Variants in NCBP1 observed in about 807,000 individuals in gnomAD.
The protein encoded by NCBP1 is nuclear cap-binding protein subunit 1.
A neutral mutation model predicts 111.7 loss-of-function variants in NCBP1; 16 were observed. That is an observed-to-expected ratio of 0.14 (90% CI 0.10 to 0.22). The LOEUF (loss-of-function observed/expected upper bound fraction) is 0.22, where lower values mean the gene tolerates loss of function less well. Among genes scored for constraint, NCBP1 ranks in the 10% least tolerant of loss-of-function variants. NCBP1 has a pLI of 1.00. For missense variants in NCBP1, 607 were observed against 957.5 expected (o/e 0.63, Z 4.83); for synonymous variants, 304 against 314.3 (o/e 0.97, Z 0.35).
intron 3 of NCBP1, among the ~76,000 whole-genome samples, chr9:97,642,055 T>C (rs1827220820): frequency 6.6e-6 from 1 of 152,074 alleles, no homozygotes; most frequent in Admixed American, 6.6e-5. Flanking sequence ...GAAGATGCTT[T>C]GGAAGCCACT....
chr9:97,670,818 C>A (rs1587731566), intron 22 of NCBP1, among the ~76,000 whole-genome samples: 1 of 152,286 alleles, frequency 6.6e-6, no homozygotes, highest in African/African-American at 2.4e-5. Context: ...GGCACTGCTG[C>A]CACTGCCTTG....
At chr9:97,637,223 G>A (rs1827068662) in intron 1 of NCBP1, among the ~76,000 whole-genome samples, 2 of 152,294 alleles carry the variant, frequency 1.3e-5, no homozygotes, top group South Asian at 4.1e-4. Context: ...TACCAATGAA[G>A]TTCATGTAGT....
Position 97,668,830 on chromosome 9 carries a change from C to T in NCBP1, c.2017-16C>T. On this transcript the variant is annotated splice_polypyrimidine_tract_variant and intron_variant, in intron 20 of 22. Transcript: ENST00000375147. Reference sequence around the variant, plus strand: ...ATCTAAATGGTATTTTCCTTTTGTTCATTTGCCTTCTATAGCGAAGTGATG... The same window carrying T: ...ATCTAAATGGTATTTTCCTTTTGTTTATTTGCCTTCTATAGCGAAGTGATG... 1.5e-5 allele frequency: 24 copies of T among 1,605,820 alleles called. No homozygotes were observed. Among genetic ancestry groups the T allele is most frequent in the Non-Finnish European group, 2.0e-5 (24 of 1,177,274 alleles).
intron 3 of NCBP1, among the ~76,000 whole-genome samples, chr9:97,642,970 A>G (rs1343416013): frequency 6.6e-6 from 1 of 152,164 alleles, no homozygotes; most frequent in Non-Finnish European, 1.5e-5. Context: ...TAACTTTACA[A>G]TTAAATCATT....
chr9:97,656,099 G>GT lies in NCBP1; in HGVS notation c.1373+18dup, dbSNP rs1827645136. Reference sequence around the variant, plus strand: ...AAAATGTATGAGGTAAGTTTTTTGTGTTTTCTCCTTTTAACTTCTTTGGGA... The same window carrying GT: ...AAAATGTATGAGGTAAGTTTTTTGTGTTTTTCTCCTTTTAACTTCTTTGGGA... On this transcript the variant is annotated intron_variant, in intron 14 of 22. Coordinates refer to ENST00000375147, the MANE Select transcript of NCBP1 (RefSeq NM_002486.5). 1 of 1,601,650 alleles carries GT rather than the reference G, an allele frequency of 6.2e-7. No individual in the cohort carries two copies. Among genetic ancestry groups the GT allele is most frequent in the Non-Finnish European group, 8.6e-7 (1 of 1,168,986 alleles).
intron 10 of NCBP1, among the ~76,000 whole-genome samples, chr9:97,651,885 C>T (rs899614182): frequency 6.6e-6 from 1 of 152,098 alleles, no homozygotes; most frequent in Non-Finnish European, 1.5e-5. Flanking sequence ...AATAGAGTAG[C>T]AACACTTTTG....
intron 17 of NCBP1, among the ~76,000 whole-genome samples, 174 bp downstream of exon 17, chr9:97,662,318 G>A (rs1050402071): frequency 6.6e-6 from 1 of 152,180 alleles, no homozygotes; most frequent in East Asian, 1.9e-4. Flanking sequence ...GCTTCCGTCA[G>A]TCTGTTTGTA....
intron 3 of NCBP1, 151 bp from the exon 4 acceptor site, chr9:97,643,053 A>T (rs1381220079): frequency 2.9e-6 from 2 of 696,724 alleles, no homozygotes. Flanking sequence ...AACATTTCTC[A>T]ATGACATGCT....
intron 19 of NCBP1, among the ~76,000 whole-genome samples, chr9:97,666,146 A>G: frequency 6.6e-6 from 1 of 152,222 alleles, no homozygotes; most frequent in South Asian, 2.1e-4. Context: ...GTAGCTGAGA[A>G]GTTACTTTTT....
chr9:97,641,704 T>A (rs1336268048), intron 3 of NCBP1, 42 bp downstream of exon 3: 1 of 1,508,102 alleles, frequency 6.6e-7, no homozygotes, highest in Admixed American at 1.8e-5. Flanking sequence ...GATAATGTAT[T>A]ATCTACTCTT....
At chr9:97,662,298 A>G (rs573585969) in intron 17 of NCBP1, among the ~76,000 whole-genome samples, 154 bp downstream of exon 17, 53 of 152,346 alleles carry the variant, frequency 3.5e-4, no homozygotes, top group Non-Finnish European at 3.5e-4. Flanking sequence ...GCTGAAATCC[A>G]TATCCTAAGG....
intron 16 of NCBP1, among the ~76,000 whole-genome samples, chr9:97,661,648 G>C (rs1337844269): frequency 6.6e-6 from 1 of 151,092 alleles, no homozygotes; most frequent in Non-Finnish European, 1.5e-5. Flanking sequence ...TATGATATTA[G>C]AGAAAATGAG....
intron 4 of NCBP1, 129 bp downstream of exon 4, chr9:97,643,489 C>A: frequency 1.9e-6 from 2 of 1,030,278 alleles, no homozygotes; most frequent in Non-Finnish European, 1.3e-6. Context: ...CATAAGCCAC[C>A]TTTATTTTGA....
intron 14 of NCBP1, among the ~76,000 whole-genome samples, chr9:97,657,928 T>TATATATA (rs1827716061): frequency 1.6e-5 from 1 of 63,226 alleles, no homozygotes; most frequent in African/African-American, 5.5e-5. Context: ...ATATATATAT[T>TATATATA]TTTTTTTTTT....
chr9:97,661,708 A>G (rs1827838863), intron 16 of NCBP1, among the ~76,000 whole-genome samples: 1 of 151,216 alleles, frequency 6.6e-6, no homozygotes, highest in Non-Finnish European at 1.5e-5. Flanking sequence ...ATGTTGTCAG[A>G]CATCTTAAGA....
chr9:97,662,435 C>T (rs917008419), intron 17 of NCBP1, among the ~76,000 whole-genome samples: 6 of 152,124 alleles, frequency 3.9e-5, no homozygotes, highest in East Asian at 1.9e-4. Flanking sequence ...GAAGTTCCCA[C>T]GCTAAATATC....
chr9:97,648,615 T>C (rs1437631148), intron 8 of NCBP1, among the ~76,000 whole-genome samples: 1 of 152,240 alleles, frequency 6.6e-6, no homozygotes, highest in East Asian at 1.9e-4. Flanking sequence ...TAGTAGTATA[T>C]ATCTCATGTT....
intron 16 of NCBP1, among the ~76,000 whole-genome samples, chr9:97,661,620 T>G (rs1290211203): frequency 6.6e-6 from 1 of 152,120 alleles, no homozygotes; most frequent in Non-Finnish European, 1.5e-5. Flanking sequence ...TGTTTGGATA[T>G]CTCTAAGAAA....
Position 97,655,775 on chromosome 9 carries a change from G to C in NCBP1, c.1298+11G>C, listed in dbSNP as rs756244270. 5 of 1,605,112 alleles carry C rather than the reference G, an allele frequency of 3.1e-6. No homozygotes were observed. The African/African-American group carries it at 6.7e-5, about 22-fold the overall frequency. ...GAGCTGGGAAGATTGGTAAGTGATG[G>C]TTTGTTTTATCTTTTTCTGTAGTCA... is the stretch of plus-strand genomic sequence containing the variant. On this transcript the variant is annotated intron_variant, in intron 13 of 22. Transcript: ENST00000375147.
Sources: gnomAD v4.1 joint callset for allele counts (sites outside exome capture counted in the v4.1 genomes callset) on GRCh38, gnomAD v4.1.1 for gene constraint, MANE v1.5 for transcripts, NCBI Gene and HGNC (gene_info 2026-07-23, HGNC 2026-07-21) for gene names.